SPRY3: variants seen among roughly 807,000 people sequenced by gnomAD.
The protein encoded by SPRY3 is protein sprouty homolog 3.
A neutral mutation model predicts 20.2 loss-of-function variants in SPRY3; 15 were observed. The observed-to-expected ratio is 0.74, with a 90% CI of 0.50 to 1.14. The LOEUF is 1.14. SPRY3 is among the 50% of genes most tolerant of loss of function. SPRY3 has a pLI of 0.00. For missense variants in SPRY3, 364 were observed against 363.9 expected (o/e 1.00, Z 0.00); for synonymous variants, 143 against 136.5 (o/e 1.05, Z -0.33).
chrX:155,730,330 C>A (rs2091124965), intron 2 of SPRY3, among the ~76,000 whole-genome samples: 2 of 152,018 alleles, frequency 1.3e-5, no homozygotes, highest in South Asian at 4.2e-4. Flanking sequence ...TTGAGAAGAT[C>A]ATTCATCATG....
chrX:155,710,359 T>C (rs1234654496), intron 2 of SPRY3, among the ~76,000 whole-genome samples: 1 of 151,814 alleles, frequency 6.6e-6, no homozygotes, highest in Admixed American at 6.6e-5. Flanking sequence ...TTTACAACTT[T>C]CATTGTAGAG....
At chrX:155,714,763 C>A (rs767300668) in intron 2 of SPRY3, among the ~76,000 whole-genome samples, 2 of 152,110 alleles carry the variant, frequency 1.3e-5, no homozygotes, top group South Asian at 2.1e-4. Flanking sequence ...TTCTATTCTA[C>A]TGTGGCTAAG....
At chrX:155,673,669 C>G (rs1230174049) in intron 2 of SPRY3, among the ~76,000 whole-genome samples, 3 of 112,079 alleles carry the variant, frequency 2.7e-5, no homozygotes, top group Non-Finnish European at 5.6e-5. Context: ...TGGGCACCTC[C>G]TTGGAATTTT....
intron 2 of SPRY3, among the ~76,000 whole-genome samples, chrX:155,675,029 T>C (rs2124563014): frequency 8.9e-6 from 1 of 112,167 alleles, no homozygotes; most frequent in South Asian, 3.7e-4. Flanking sequence ...GTTCAATTAA[T>C]TGTGAACCTA....
chrX:155,684,138 T>C (rs622581), intron 2 of SPRY3, among the ~76,000 whole-genome samples: 36,347 of 109,125 alleles, frequency 0.33, 5,249 homozygotes, highest in African/African-American at 0.54. Flanking sequence ...AGTGAGATGA[T>C]GGAGTGTTTG....
At chrX:155,634,142 C>A (rs1264725412) in intron 1 of SPRY3, among the ~76,000 whole-genome samples, 1 of 110,571 alleles carries the variant, frequency 9.0e-6, no homozygotes, top group Non-Finnish European at 1.9e-5. Flanking sequence ...AGGACAGGAG[C>A]ATTTTGATAT....
intron 2 of SPRY3, among the ~76,000 whole-genome samples, chrX:155,746,674 C>T (rs182522185): frequency 2.4e-4 from 37 of 151,986 alleles, no homozygotes; most frequent in Non-Finnish European, 4.7e-4. Context: ...CTTAAGTTCT[C>T]GGACATTAAT....
chrX:155,679,889 G>A (rs1369256604), intron 2 of SPRY3, among the ~76,000 whole-genome samples: 2 of 110,672 alleles, frequency 1.8e-5, no homozygotes, highest in Non-Finnish European at 1.9e-5. Context: ...GACGGTAGGC[G>A]AAGAGAGGGA....
intron 2 of SPRY3, among the ~76,000 whole-genome samples, chrX:155,737,047 T>A (rs1316921955): frequency 3.3e-5 from 5 of 152,174 alleles, no homozygotes; most frequent in African/African-American, 9.6e-5. Flanking sequence ...TTGCTTTTGA[T>A]TCTTTCTTAG....
At chrX:155,659,951 A>G (rs1603125051) in intron 2 of SPRY3, among the ~76,000 whole-genome samples, 1 of 111,200 alleles carries the variant, frequency 9.0e-6, no homozygotes, top group East Asian at 2.8e-4. Context: ...CAGTCCATCA[A>G]TTTTGCTTAT....
chrX:155,769,449 G>A (rs192660690), intron 3 of SPRY3, among the ~76,000 whole-genome samples: 12 of 152,146 alleles, frequency 7.9e-5, no homozygotes, highest in Admixed American at 4.6e-4. Flanking sequence ...GGACCAGAAC[G>A]GAGGTCATTT....
chrX:155,738,554 G>A (rs765183653), intron 2 of SPRY3, among the ~76,000 whole-genome samples: 5 of 152,276 alleles, frequency 3.3e-5, no homozygotes, highest in African/African-American at 1.2e-4. Flanking sequence ...CTAGGCAGAT[G>A]GCTCGACCCA....
At chrX:155,624,979 T>C in intron 1 of SPRY3, among the ~76,000 whole-genome samples, 1 of 111,427 alleles carries the variant, frequency 9.0e-6, no homozygotes, top group Non-Finnish European at 1.9e-5. Context: ...AATGCAAAAA[T>C]GAAACACAGA....
intron 2 of SPRY3, among the ~76,000 whole-genome samples, chrX:155,767,513 G>C (rs1243421899): frequency 6.6e-6 from 1 of 151,716 alleles, no homozygotes; most frequent in East Asian, 1.9e-4. Context: ...TGTCAGATTG[G>C]AGGAGAGGGA....
At chrX:155,742,262 G>C (rs2091207534) in intron 2 of SPRY3, among the ~76,000 whole-genome samples, 1 of 152,072 alleles carries the variant, frequency 6.6e-6, no homozygotes, top group African/African-American at 2.4e-5. Flanking sequence ...TTACATAATG[G>C]TAAAGAGTTC....
chrX:155,747,260 T>C (rs1183173112), intron 2 of SPRY3, among the ~76,000 whole-genome samples: 2 of 151,900 alleles, frequency 1.3e-5, no homozygotes, highest in African/African-American at 4.8e-5. Flanking sequence ...CAATGATAGT[T>C]TGTAAATCAG....
chrX:155,673,660 G>T (rs1316685480), intron 2 of SPRY3, among the ~76,000 whole-genome samples: 1 of 111,749 alleles, frequency 8.9e-6, no homozygotes, highest in African/African-American at 3.3e-5. Flanking sequence ...TGCCTTGCTT[G>T]GGCACCTCCT....
At chrX:155,742,187 G>T (rs1467420737) in intron 2 of SPRY3, among the ~76,000 whole-genome samples, 1 of 151,984 alleles carries the variant, frequency 6.6e-6, no homozygotes, top group Non-Finnish European at 1.5e-5. Flanking sequence ...AAAAGCAGGG[G>T]TCACAATTAT....
At chrX:155,704,704 A>T (rs905467164) in intron 2 of SPRY3, among the ~76,000 whole-genome samples, 1 of 151,694 alleles carries the variant, frequency 6.6e-6, no homozygotes. Flanking sequence ...TTAAAAACCA[A>T]ACAAATTAGG....
Sources: allele counts gnomAD v4.1 joint callset (sites outside exome capture counted in the v4.1 genomes callset), GRCh38; gene constraint gnomAD v4.1.1; transcripts MANE v1.5; gene names NCBI Gene and HGNC (gene_info 2026-07-23, HGNC 2026-07-21).